ZMPSTE24: variants seen among roughly 807,000 people sequenced by gnomAD.
ZMPSTE24 encodes the protein zinc metallopeptidase STE24, also known as CAAX prenyl protease 1 homolog.
ZMPSTE24 carries 48 observed loss-of-function variants against 56.7 expected under a neutral mutation model. The observed-to-expected ratio is 0.85, with a 90% CI of 0.67 to 1.08. The LOEUF (loss-of-function observed/expected upper bound fraction) is 1.08, where lower values mean the gene tolerates loss of function less well. Ranked by LOEUF, ZMPSTE24 falls within the 50% of genes least tolerant of loss-of-function variation. ZMPSTE24 has a pLI of 0.00. For missense variants in ZMPSTE24, 503 were observed against 548.7 expected (o/e 0.92, Z 0.83); for synonymous variants, 172 against 195.2 (o/e 0.88, Z 0.99).
chr1:40,292,531 CTT>C lies in ZMPSTE24; in HGVS notation c.1291_1292del (p.Leu431IlefsTer8), dbSNP rs1643853726. The C allele has an allele frequency of 5.0e-6, 8 of 1,614,164 alleles. No individual in the cohort carries two copies. Among genetic ancestry groups the C allele is most frequent in the Non-Finnish European group, 6.8e-6 (8 of 1,180,018 alleles). On this transcript the variant is annotated frameshift_variant, in exon 10 of 10. Coordinates refer to ENST00000372759, the MANE Select transcript of ZMPSTE24 (RefSeq NM_005857.5). LOFTEE classifies it high-confidence loss of function. ...CCAAGAAACTTGGGAAGGCTAAAGA[CTT>C]ATATTCTGCTTTAATCAAACTTAAC... ...FAKKLGKAKD[L>X]YSALIKLNKD... is the part of the protein sequence containing the mutation.
intron 6 of ZMPSTE24, among the ~76,000 whole-genome samples, chr1:40,275,329 G>T (rs1452248287): frequency 6.6e-6 from 1 of 151,214 alleles, no homozygotes; most frequent in Non-Finnish European, 1.5e-5. Flanking sequence ...AGCTACTTGG[G>T]AGACTAAGGC....
intron 7 of ZMPSTE24, among the ~76,000 whole-genome samples, chr1:40,284,271 A>G (rs1643760884): frequency 6.6e-6 from 1 of 151,092 alleles, no homozygotes; most frequent in Non-Finnish European, 1.5e-5. Flanking sequence ...GATTTCTAAT[A>G]ATTTTTTTAT....
intron 8 of ZMPSTE24, 160 bp from the exon 9 acceptor site, chr1:40,290,694 C>T: frequency 3.0e-6 from 2 of 657,410 alleles, no homozygotes; most frequent in Non-Finnish European, 5.1e-6. Flanking sequence ...AATCTCCTGA[C>T]CTCGTGATCC....
At chr1:40,283,127 AAGTCATCTTAT>A (rs1643746658) in intron 7 of ZMPSTE24, among the ~76,000 whole-genome samples, 2 of 152,200 alleles carry the variant, frequency 1.3e-5, no homozygotes, top group Non-Finnish European at 2.9e-5. Flanking sequence ...AGACATCTTA[AAGTCATCTTAT>A]AAATAGGAAA....
intron 6 of ZMPSTE24, among the ~76,000 whole-genome samples, chr1:40,280,573 C>T (rs1018094339): frequency 6.6e-6 from 1 of 152,000 alleles, no homozygotes; most frequent in Non-Finnish European, 1.5e-5. Flanking sequence ...GACAGGTGTG[C>T]GCCACCATGC....
intron 2 of ZMPSTE24, among the ~76,000 whole-genome samples, chr1:40,263,376 CCTT>C (rs756842174): frequency 1.3e-5 from 2 of 152,122 alleles, no homozygotes; most frequent in East Asian, 3.9e-4. Context: ...ATTATTATTC[CCTT>C]CTTATGAATG....
chr1:40,292,462 A>G lies in ZMPSTE24; in HGVS notation c.1221A>G (p.Leu407=). ...TTTTTCAGGTTCTTTCTTTTTGCCT[A>G]ACAGTCCTAAGCCGCAGATTTGAGT... ...SPYNEVLSFC[L]TVLSRRFEFQ... is the part of the protein sequence containing the mutation. Residue 407 remains leucine, a synonymous_variant, in exon 10 of 10, where the codon CTA becomes CTG. Transcript: ENST00000372759. The G allele has an allele frequency of 1.2e-6, 2 of 1,614,030 alleles. No individual in the cohort carries two copies. Among genetic ancestry groups the G allele is most frequent in the Non-Finnish European group, 1.7e-6 (2 of 1,180,012 alleles).
At chr1:40,273,382 G>T (rs1253941183) in intron 6 of ZMPSTE24, among the ~76,000 whole-genome samples, 1 of 151,146 alleles carries the variant, frequency 6.6e-6, no homozygotes, top group Non-Finnish European at 1.5e-5. Context: ...GCTGGGCGTG[G>T]TGGTGCGTGC....
chr1:40,261,203 A>G (rs1643493499), intron 2 of ZMPSTE24, among the ~76,000 whole-genome samples: 1 of 152,236 alleles, frequency 6.6e-6, no homozygotes, highest in East Asian at 1.9e-4. Flanking sequence ...GCCAGGTAGG[A>G]AAAAGATCCT....
intron 6 of ZMPSTE24, among the ~76,000 whole-genome samples, chr1:40,272,482 C>T (rs1173748733): frequency 6.6e-6 from 1 of 152,158 alleles, no homozygotes; most frequent in Non-Finnish European, 1.5e-5. Flanking sequence ...TTGTCTCCTC[C>T]AAGAAAATAT....
intron 2 of ZMPSTE24, 83 bp from the exon 3 acceptor site, chr1:40,267,703 C>G: frequency 5.4e-6 from 6 of 1,113,762 alleles, no homozygotes; most frequent in Non-Finnish European, 1.4e-6. Context: ...ATTATTTTGT[C>G]CTTTCTTTCT....
intron 6 of ZMPSTE24, among the ~76,000 whole-genome samples, chr1:40,278,647 A>G (rs567988403): frequency 6.6e-5 from 10 of 151,970 alleles, no homozygotes; most frequent in Admixed American, 2.0e-4. Context: ...CGCTTCATAA[A>G]TAGGAAACTA....
At chr1:40,280,800 CAA>C (rs1208259357) in intron 6 of ZMPSTE24, among the ~76,000 whole-genome samples, 1 of 151,996 alleles carries the variant, frequency 6.6e-6, no homozygotes, top group Non-Finnish European at 1.5e-5. Flanking sequence ...ATGTCATTAG[CAA>C]AAAACATAAA....
chr1:40,279,872 A>G (rs1407529373), intron 6 of ZMPSTE24, among the ~76,000 whole-genome samples: 3 of 152,108 alleles, frequency 2.0e-5, no homozygotes, highest in African/African-American at 4.8e-5. Flanking sequence ...AACAGTGACC[A>G]TGACCTTTTT....
chr1:40,261,001 C>G lies in ZMPSTE24; in HGVS notation c.270+16C>G, dbSNP rs1643491787. On this transcript the variant is annotated intron_variant, in intron 2 of 9. Coordinates refer to ENST00000372759, the MANE Select transcript of ZMPSTE24 (RefSeq NM_005857.5). ...TGAAGGCACTGTGAGTAATTTACTT[C>G]TTGGAGAGACAGTCTGTCTGGTTGT... 6.2e-7 allele frequency: 1 copy of G among 1,613,800 alleles called. No homozygotes were observed. Among genetic ancestry groups the G allele is most frequent in the African/African-American group, 1.3e-5 (1 of 74,902 alleles).
intron 2 of ZMPSTE24, among the ~76,000 whole-genome samples, chr1:40,261,496 C>G (rs751145300): frequency 1.3e-5 from 2 of 152,040 alleles, no homozygotes; most frequent in Non-Finnish European, 2.9e-5. Flanking sequence ...ACTACAGTTG[C>G]ATGCCACCAT....
chr1:40,275,721 C>T (rs1643663497), intron 6 of ZMPSTE24, among the ~76,000 whole-genome samples: 2 of 138,862 alleles, frequency 1.4e-5, no homozygotes, highest in African/African-American at 5.5e-5. Flanking sequence ...CACTACACTC[C>T]AGCCTGGGCA....
intron 9 of ZMPSTE24, among the ~76,000 whole-genome samples, chr1:40,292,069 G>T (rs569716783): frequency 6.6e-6 from 1 of 152,100 alleles, no homozygotes; most frequent in Non-Finnish European, 1.5e-5. Flanking sequence ...TCGAACTCCT[G>T]ACCTCAGGTG....
At chr1:40,270,196 G>T in intron 5 of ZMPSTE24, 69 bp downstream of exon 5, 1 of 1,537,454 alleles carries the variant, frequency 6.5e-7, no homozygotes, top group Non-Finnish European at 9.0e-7. Context: ...ATCTTCATTG[G>T]CATGTAAACA....
Sources: gnomAD v4.1 joint callset for allele counts (sites outside exome capture counted in the v4.1 genomes callset) on GRCh38, gnomAD v4.1.1 for gene constraint, MANE v1.5 for transcripts, NCBI Gene and HGNC (gene_info 2026-07-23, HGNC 2026-07-21) for gene names.